Variants in FAM118B observed in about 807,000 individuals in gnomAD.
The protein encoded by FAM118B is protein FAM118B.
FAM118B carries 24 observed loss-of-function variants against 38.5 expected under a neutral mutation model. The observed-to-expected ratio is 0.62, with a 90% CI of 0.45 to 0.88. The LOEUF is 0.88. Ranked by LOEUF, FAM118B falls within the 40% of genes least tolerant of loss-of-function variation. The pLI, the probability that FAM118B is intolerant of heterozygous loss-of-function variation, is 0.00. For missense variants in FAM118B, 334 were observed against 420.0 expected, an observed-to-expected ratio of 0.80 and a Z score of 1.79; for synonymous variants, 138 against 156.3, an observed-to-expected ratio of 0.88 and a Z score of 0.87.
chr11:126,251,681 T>A (rs920055511), intron 5 of FAM118B, among the ~76,000 whole-genome samples: 5 of 152,166 alleles, frequency 3.3e-5, no homozygotes, highest in African/African-American at 1.2e-4. Context: ...TTATTTTTTT[T>A]ATCCAGTCTC....
chr11:126,249,073 G>A (rs540747509), intron 4 of FAM118B, among the ~76,000 whole-genome samples: 33 of 152,272 alleles, frequency 2.2e-4, no homozygotes, highest in African/African-American at 5.8e-4. Context: ...TAAGTAAGCC[G>A]TATGTTAAGA....
chr11:126,245,960 C>T (rs1419668135), intron 4 of FAM118B, among the ~76,000 whole-genome samples: 1 of 147,540 alleles, frequency 6.8e-6, no homozygotes, highest in East Asian at 2.0e-4. Context: ...AGCGCCATTG[C>T]ACTCCAGCCT....
At position 126,262,352 on chromosome 11, in the gene FAM118B, C is replaced by T. The variant is rs369202752; in HGVS notation, c.*219C>T. ...GCCTGTTCAAGTTCAAGAATAAAAG[C>T]GACAGCAGGACCCAAATGCAGCTCC... is the stretch of plus-strand genomic sequence containing the variant. On this transcript the variant is annotated 3_prime_UTR_variant, in exon 9 of 9. Coordinates refer to ENST00000533050, the MANE Select transcript of FAM118B (RefSeq NM_024556.4). The T allele has an allele frequency of 8.2e-5, 47 of 571,992 alleles. 1 individual carries two copies. Among genetic ancestry groups the T allele is most frequent in the African/African-American group, 3.0e-4 (16 of 52,946 alleles). The allele number at this position is 571,992 out of a possible 1,614,324, so 35.4% of individuals were successfully genotyped here. A position where few individuals can be genotyped will look rare whatever the true frequency, so the allele number is the denominator to read the frequency against.
chr11:126,214,514 G>GTTTTTGTTTTTGTTTT (rs1391249298), intron 1 of FAM118B: 1 of 41,498 alleles, frequency 2.4e-5, no homozygotes, highest in African/African-American at 5.8e-5. Context: ...TTTTTTTTTT[G>GTTTTTGTTTTTGTTTT]TTTTTTTTTT....
intron 3 of FAM118B, among the ~76,000 whole-genome samples, chr11:126,238,424 T>G (rs1202123776): frequency 6.6e-6 from 1 of 152,122 alleles, no homozygotes; most frequent in Non-Finnish European, 1.5e-5. Flanking sequence ...TGTCAGAATC[T>G]GCAGGTTTTT....
At position 126,254,242 on chromosome 11, in the gene FAM118B, T is replaced by C. The variant is rs114903497; in HGVS notation, c.568-63T>C. ...AGTCCTCAAAACAGCCTCTTGCCCA[T>C]TGTGACCTTTAAACAGGTGCTCAGC... On this transcript the variant is annotated intron_variant, in intron 5 of 8. Coordinates refer to ENST00000533050, the MANE Select transcript of FAM118B (RefSeq NM_024556.4). 3.1e-4 allele frequency: 483 copies of C among 1,571,350 alleles called. 2 individuals carry two copies. The African/African-American group carries it at 6.1e-3, about 20-fold the overall frequency.
chr11:126,221,441 C>T (rs1591502435), intron 1 of FAM118B, among the ~76,000 whole-genome samples: 2 of 152,036 alleles, frequency 1.3e-5, no homozygotes, highest in East Asian at 3.9e-4. Context: ...TATCACATAG[C>T]TTATTTCTAC....
chr11:126,214,648 T>G (rs1218816777), intron 1 of FAM118B, among the ~76,000 whole-genome samples: 1 of 152,000 alleles, frequency 6.6e-6, no homozygotes. Flanking sequence ...TCTAAATGTT[T>G]TCTTAGAACA....
Position 126,259,425 on chromosome 11 carries a change from C to CTT in FAM118B, c.983-1982_983-1981dup, listed in dbSNP as rs397945854. 0.027 allele frequency among the ~76,000 whole-genome samples: 3,457 copies of CTT among 129,370 alleles called. 515 individuals carry two copies. The East Asian group carries it at 0.46, about 17-fold the overall frequency. The allele number at this position is 129,370 out of a possible 152,430, so 84.9% of individuals were successfully genotyped here. On this transcript the variant is annotated intron_variant, in intron 7 of 8. Transcript: ENST00000533050. Reference sequence around the variant, plus strand: ...TACCATACAAGCAGTCGTTGTGGTACTTTTTTTTTTTTTTTTTTTGAGATG... The same window carrying CTT: ...TACCATACAAGCAGTCGTTGTGGTACTTTTTTTTTTTTTTTTTTTTTGAGATG...
At chr11:126,214,490 G>GTTTTGTTTTTTTTTTTTTTTTTTTTT (rs1949942835) in intron 1 of FAM118B, 1 of 25,814 alleles carries the variant, frequency 3.9e-5, no homozygotes, top group African/African-American at 1.4e-4. Flanking sequence ...TTTTGTTTCT[G>GTTTTGTTTTTTTTTTTTTTTTTTTTT]TTTTTTTTTT....
chr11:126,228,684 C>T (rs1007840117), intron 1 of FAM118B, among the ~76,000 whole-genome samples: 2 of 152,008 alleles, frequency 1.3e-5, no homozygotes, highest in African/African-American at 2.4e-5. Flanking sequence ...CTCAGCCTCC[C>T]GAGTAGCTGG....
At chr11:126,217,948 GA>G (rs1950002452) in intron 1 of FAM118B, among the ~76,000 whole-genome samples, 1 of 152,234 alleles carries the variant, frequency 6.6e-6, no homozygotes, top group African/African-American at 2.4e-5. Context: ...TCCCCTTCTG[GA>G]AGCTTTGAGG....
intron 6 of FAM118B, among the ~76,000 whole-genome samples, chr11:126,254,871 T>G (rs1950552743): frequency 1.3e-5 from 2 of 152,170 alleles, no homozygotes; most frequent in Non-Finnish European, 2.9e-5. Context: ...TTCCTGTGCT[T>G]CTTAACTTAT....
At chr11:126,223,365 T>G (rs1950091928) in intron 1 of FAM118B, among the ~76,000 whole-genome samples, 1 of 151,942 alleles carries the variant, frequency 6.6e-6, no homozygotes, top group South Asian at 2.1e-4. Context: ...CTTTGGGAGC[T>G]GAGGCGGGCA....
rs535140741 is a variant in FAM118B at position 126,215,427 on chromosome 11, G to A, written c.-77+3597G>A. 3.3e-4 allele frequency among the ~76,000 whole-genome samples: 51 copies of A among 152,290 alleles called. 1 individual carries two copies. In the South Asian group the frequency reaches 9.9e-3, roughly 30 times the overall value. On this transcript the variant is annotated intron_variant, in intron 1 of 8. Coordinates refer to ENST00000533050, the MANE Select transcript of FAM118B (RefSeq NM_024556.4). ...ACTTTTAAGATTTCTGGCCAGGCGC[G>A]GTGGCTTACGCCTGTAACCCTAGCA...
rs1416466102 is a variant in FAM118B at position 126,250,269 on chromosome 11, T to C, written c.340-237T>C. Among the ~76,000 whole-genome samples the C allele has an allele frequency of 6.6e-6, 1 of 152,102 alleles. No individual in the cohort carries two copies. The highest frequency in any genetic ancestry group is 6.5e-5 in the Admixed American group (1 of 15,272). On this transcript the variant is annotated intron_variant, in intron 4 of 8. Transcript: ENST00000533050. This position sits in a 1 kb window ranked among gnomAD's most constrained non-coding sequence, Gnocchi z 5.1. ...ACCACGCCCTGCTAATTTTTTTTATTTTTAGTAGAGACGGGGTTTCACCGT... is the reference window on the plus strand; with the variant it reads ...ACCACGCCCTGCTAATTTTTTTTATCTTTAGTAGAGACGGGGTTTCACCGT...
At position 126,211,828 on chromosome 11, in the gene FAM118B, T is replaced by G. The variant is rs898941059; in HGVS notation, c.-79T>G. 4 of 620,100 alleles carry G rather than the reference T, an allele frequency of 6.5e-6. No individual in the cohort carries two copies. In the African/African-American group the frequency reaches 7.4e-5, roughly 11 times the overall value. The allele number at this position is 620,100 out of a possible 1,614,324, so 38.4% of individuals were successfully genotyped here. ...TGGAGCAGTGGCGTTTGGAGGAGAC[T>G]CGGTGAGTGTGTAGGGAAGCCGGGC... On this transcript the variant is annotated splice_region_variant and 5_prime_UTR_variant, in exon 1 of 9. Coordinates refer to ENST00000533050, the MANE Select transcript of FAM118B (RefSeq NM_024556.4).
Position 126,241,139 on chromosome 11 carries a change from T to C in FAM118B, c.339+95T>C. The C allele has an allele frequency of 4.7e-6, 6 of 1,277,770 alleles. No individual in the cohort carries two copies. The Middle Eastern group carries it at 7.3e-4, about 155-fold the overall frequency. The allele number at this position is 1,277,770 out of a possible 1,614,324, so 79.2% of individuals were successfully genotyped here. On this transcript the variant is annotated intron_variant, in intron 4 of 8. Transcript: ENST00000533050. ...TGGCTGTCAAAACTAGCATGCCAAA[T>C]GTAACAGGGATATTCATTTACAGCT...
At chr11:126,224,400 G>A (rs2321987) in intron 1 of FAM118B, among the ~76,000 whole-genome samples, 11,254 of 148,084 alleles carry the variant, frequency 0.076, 538 homozygotes, top group South Asian at 0.13. Flanking sequence ...CTTGAGCCCC[G>A]TGGAGGTCAA....
Sources: allele counts gnomAD v4.1 joint callset (sites outside exome capture counted in the v4.1 genomes callset), GRCh38; gene constraint gnomAD v4.1.1; non-coding constraint Gnocchi (gnomAD v3.1); transcripts MANE v1.5; gene names NCBI Gene and HGNC (gene_info 2026-07-23, HGNC 2026-07-21).